AP1G1: variants seen among roughly 807,000 people sequenced by gnomAD.
The protein encoded by AP1G1 is adaptor related protein complex 1 subunit gamma 1.
Under a neutral mutation model 108.3 loss-of-function variants are expected in AP1G1, and 7 were observed. The ratio of observed to expected loss-of-function variants is 0.06; its 90% confidence interval spans 0.04 to 0.12. The LOEUF (loss-of-function observed/expected upper bound fraction) is 0.12. Ranked by LOEUF, AP1G1 falls within the 10% of genes least tolerant of loss-of-function variation. The pLI is 1.00. For synonymous variants in AP1G1, 379 were observed against 353.5 expected, an observed-to-expected ratio of 1.07 and a Z score of -0.81; for missense variants, 756 against 1,010.7, an observed-to-expected ratio of 0.75 and a Z score of 3.42.
chr16:71,750,057 T>C, intron 14 of AP1G1, 74 bp from the exon 15 acceptor site: 11 of 1,491,940 alleles, frequency 7.4e-6, no homozygotes, highest in Non-Finnish European at 9.3e-6. Flanking sequence ...TCATAGGTCA[T>C]CTCATAATAA....
At chr16:71,772,590 G>A (rs1373026230) in intron 4 of AP1G1, among the ~76,000 whole-genome samples, 1 of 152,150 alleles carries the variant, frequency 6.6e-6, no homozygotes, top group Non-Finnish European at 1.5e-5. Flanking sequence ...ATCATCCTGG[G>A]AAATGGCTTG....
intron 1 of AP1G1, among the ~76,000 whole-genome samples, chr16:71,794,835 C>CTTTTCTTTT (rs2032522793): frequency 5.0e-5 from 2 of 39,632 alleles, no homozygotes; most frequent in African/African-American, 2.1e-4. Flanking sequence ...ATGAGAAGTG[C>CTTTTCTTTT]TTTTTTTTTT....
rs2030800068 is a variant in AP1G1 at position 71,756,626 on chromosome 16, G to A, written c.1089-467C>T. Among the ~76,000 whole-genome samples the A allele has an allele frequency of 2.0e-5, 3 of 152,062 alleles. No individual in the cohort carries two copies. The South Asian group carries it at 6.2e-4, about 32-fold the overall frequency. On this transcript the variant is annotated intron_variant, in intron 11 of 22. Coordinates refer to ENST00000299980, the MANE Select transcript of AP1G1 (RefSeq NM_001128.6). ...GATGTAATATAGTTTATGTCAAAAG[G>A]TATGCAGAAAATTCAAATTAAAAAC...
At chr16:71,800,389 A>AC (rs2032748552) in intron 1 of AP1G1, among the ~76,000 whole-genome samples, 1 of 146,004 alleles carries the variant, frequency 6.8e-6, no homozygotes, top group Non-Finnish European at 1.5e-5. Context: ...AAAAAAAAAA[A>AC]GAATTATATT....
chr16:71,808,701 C>G (rs2033085954), intron 1 of AP1G1, 62 bp downstream of exon 1: 1 of 1,285,268 alleles, frequency 7.8e-7, no homozygotes, highest in Non-Finnish European at 1.0e-6. Flanking sequence ...TCCGGTCGAG[C>G]GCCCGCGGCA....
At chr16:71,773,525 A>G (rs1309120450) in intron 3 of AP1G1, among the ~76,000 whole-genome samples, 163 bp from the exon 4 acceptor site, 1 of 152,236 alleles carries the variant, frequency 6.6e-6, no homozygotes, top group Non-Finnish European at 1.5e-5. Flanking sequence ...CAAATTATCA[A>G]TATAGTAAAC....
chr16:71,774,674 C>T (rs1308382086), intron 2 of AP1G1, 82 bp from the exon 3 acceptor site: 4 of 1,413,296 alleles, frequency 2.8e-6, no homozygotes, highest in Non-Finnish European at 3.8e-6. Context: ...ACCCAGAGTC[C>T]CCAGCTGGCT....
intron 8 of AP1G1, 43 bp from the exon 9 acceptor site, chr16:71,764,491 A>AG: frequency 7.2e-7 from 1 of 1,397,074 alleles, no homozygotes; most frequent in Non-Finnish European, 9.9e-7. Context: ...GATAAAAACA[A>AG]TGCTCCCAAA....
chr16:71,769,154 G>A (rs1597063672), intron 6 of AP1G1, among the ~76,000 whole-genome samples: 2 of 151,170 alleles, frequency 1.3e-5, no homozygotes, highest in Admixed American at 6.6e-5. Context: ...ATGGTGGCGC[G>A]CACCTGTAAT....
chr16:71,807,878 C>G, intron 1 of AP1G1: 2 of 1,286,102 alleles, frequency 1.6e-6, no homozygotes, highest in Non-Finnish European at 2.0e-6. Flanking sequence ...AAATACCACA[C>G]AAGTGTCAGT....
chr16:71,777,165 C>T (rs1244071092), intron 2 of AP1G1, among the ~76,000 whole-genome samples: 4 of 144,040 alleles, frequency 2.8e-5, no homozygotes, highest in African/African-American at 1.0e-4. Flanking sequence ...AGGGAGGCAG[C>T]TGTGGGGTTT....
At chr16:71,790,210 G>A (rs545374748) in intron 1 of AP1G1, among the ~76,000 whole-genome samples, 1 of 152,042 alleles carries the variant, frequency 6.6e-6, no homozygotes, top group Non-Finnish European at 1.5e-5. Context: ...CAAAGCTATA[G>A]TAATCAGGGA....
In AP1G1 at chr16:71,771,043, A is replaced by G. The variant is rs556082584; in HGVS notation, c.565+113T>C. On this transcript the variant is annotated intron_variant, in intron 5 of 22. Coordinates refer to ENST00000299980, the MANE Select transcript of AP1G1 (RefSeq NM_001128.6). ...ACCTTCCTGGAAAAGTGTCTAAGGC[A>G]CAGCAGAAACGCGACTCCACTGTTC... 8 of 578,468 alleles carry G rather than the reference A, an allele frequency of 1.4e-5. No homozygotes were observed. The East Asian group carries it at 2.5e-4, about 18-fold the overall frequency. 35.8% of individuals were successfully genotyped at this position (578,468 alleles called of 1,614,324 possible).
intron 1 of AP1G1, among the ~76,000 whole-genome samples, chr16:71,801,652 G>A (rs535278225): frequency 3.3e-5 from 5 of 152,292 alleles, no homozygotes; most frequent in African/African-American, 7.2e-5. Flanking sequence ...AAGGCCGGGC[G>A]CGGTGGGTCA....
At chr16:71,773,980 G>A (rs1016651431) in intron 3 of AP1G1, among the ~76,000 whole-genome samples, 16 of 150,682 alleles carry the variant, frequency 1.1e-4, no homozygotes, top group African/African-American at 3.2e-4. Context: ...ACATTGGCCA[G>A]GCTGGTCTTG....
chr16:71,745,791 T>C (rs2030141587), intron 17 of AP1G1, among the ~76,000 whole-genome samples, 177 bp from the exon 18 acceptor site: 1 of 152,090 alleles, frequency 6.6e-6, no homozygotes, highest in African/African-American at 2.4e-5. Context: ...CCTGGCTGGA[T>C]TAAGGGCAGA....
intron 9 of AP1G1, among the ~76,000 whole-genome samples, chr16:71,763,718 C>T (rs911246058): frequency 9.2e-5 from 14 of 151,890 alleles, no homozygotes; most frequent in Admixed American, 1.3e-4. Flanking sequence ...ATAATGCTAC[C>T]GACAAAAAGA....
intron 11 of AP1G1, chr16:71,758,393 T>G: frequency 1.9e-6 from 1 of 519,488 alleles, no homozygotes; most frequent in Non-Finnish European, 3.8e-6. Flanking sequence ...GCGTAAGTAC[T>G]GTGAAAAACG....
rs1275270786 is a variant in AP1G1, at chr16:71,766,397, A to C, written c.643-813T>G. On this transcript the variant is annotated intron_variant, in intron 6 of 22. Transcript: ENST00000299980. ...AGAGTCCTAACACATAGTAAAGGCA[A>C]TTTTACTGCCAAGCCGAAGATGTTT... 7 of 467,192 alleles carry C rather than the reference A, an allele frequency of 1.5e-5. No homozygotes were observed. In the Admixed American group the frequency reaches 1.7e-4, roughly 11 times the overall value. 28.9% of individuals were successfully genotyped at this position (467,192 alleles called of 1,614,324 possible).
Sources: gnomAD v4.1 joint callset for allele counts (sites outside exome capture counted in the v4.1 genomes callset) on GRCh38, gnomAD v4.1.1 for gene constraint, MANE v1.5 for transcripts, NCBI Gene and HGNC (gene_info 2026-07-23, HGNC 2026-07-21) for gene names.